The following DMD variants were observed in gnomAD, a reference collection of about 807,000 sequenced individuals.
DMD encodes the protein mutant dystrophin.
In DMD, 63 loss-of-function variants were observed where a neutral mutation model predicts 330.1. That is an observed-to-expected ratio of 0.19 (90% CI 0.16 to 0.24). DMD has a LOEUF of 0.24. Ranked by LOEUF, DMD falls within the 10% of genes least tolerant of loss-of-function variation. The pLI, the probability that DMD is intolerant of heterozygous loss-of-function variation, is 1.00. For missense variants in DMD, 3,344 were observed against 2,684.1 expected (o/e 1.25, Z -5.43); for synonymous variants, 1,223 against 959.8 (o/e 1.27, Z -5.07).
chrX:32,260,742 A>T (rs867662040), intron 43 of DMD, among the ~76,000 whole-genome samples: 1 of 94,221 alleles, frequency 1.1e-5, no homozygotes, highest in Non-Finnish European at 2.4e-5. Flanking sequence ...TTATCCCTCC[A>T]GTAAGTTTCA....
chrX:31,611,138 C>T, intron 55 of DMD, among the ~76,000 whole-genome samples: 1 of 107,033 alleles, frequency 9.3e-6, no homozygotes, highest in East Asian at 2.9e-4. Flanking sequence ...AACATCTGGT[C>T]TAGTGGTTCT....
chrX:32,489,288 T>G (rs1215094947), intron 20 of DMD, among the ~76,000 whole-genome samples: 2 of 108,856 alleles, frequency 1.8e-5, no homozygotes, highest in African/African-American at 6.7e-5. Context: ...TATTTGGTGA[T>G]AGGACTTTTA....
intron 7 of DMD, among the ~76,000 whole-genome samples, chrX:32,776,285 C>G (rs193196594): frequency 4.0e-5 from 4 of 100,855 alleles, no homozygotes; most frequent in Non-Finnish European, 6.4e-5. Flanking sequence ...TCTTCTGACC[C>G]CCCCCCCAAA....
At chrX:31,518,368 T>A (rs1366223032) in intron 55 of DMD, among the ~76,000 whole-genome samples, 2 of 108,621 alleles carry the variant, frequency 1.8e-5, no homozygotes, top group Non-Finnish European at 3.8e-5. Flanking sequence ...CTGATATTGC[T>A]ATACAGCCTC....
At chrX:31,572,426 C>G (rs2075871475) in intron 55 of DMD, among the ~76,000 whole-genome samples, 1 of 112,033 alleles carries the variant, frequency 8.9e-6, no homozygotes, top group South Asian at 3.7e-4. Flanking sequence ...TTAGTGCAGA[C>G]TGGCCTGGCT....
At chrX:32,949,338 GTAGGTAGATAGATAGATAGATAGA>G (rs1289286818) in intron 2 of DMD, among the ~76,000 whole-genome samples, 3 of 80,923 alleles carry the variant, frequency 3.7e-5, no homozygotes, top group Admixed American at 3.1e-4. Context: ...AGGTAGGTAG[GTAGGTAGATAGATAGATAGATAGA>G]TAGATAGATA....
At chrX:33,179,009 C>G (rs927977766) in intron 1 of DMD, among the ~76,000 whole-genome samples, 3 of 111,848 alleles carry the variant, frequency 2.7e-5, no homozygotes, top group African/African-American at 9.8e-5. Context: ...AAATAAGGAG[C>G]ACTGACTATG....
intron 1 of DMD, among the ~76,000 whole-genome samples, chrX:33,292,017 A>G (rs981695639): frequency 1.8e-5 from 2 of 111,645 alleles, no homozygotes; most frequent in Admixed American, 9.6e-5. Context: ...GTATTCCACT[A>G]CTAATACTGC....
chrX:31,960,496 C>T (rs900212411), intron 45 of DMD, among the ~76,000 whole-genome samples: 2 of 111,278 alleles, frequency 1.8e-5, no homozygotes, highest in African/African-American at 6.5e-5. Context: ...TGATTTTGCT[C>T]CTGTCACTTT....
chrX:31,790,801 T>C (rs1228263174), intron 50 of DMD, among the ~76,000 whole-genome samples: 1 of 111,548 alleles, frequency 9.0e-6, no homozygotes, highest in Non-Finnish European at 1.9e-5. Flanking sequence ...TGGTTTACAA[T>C]ATCATGAGCA....
At chrX:32,519,263 T>TA (rs201722710) in intron 17 of DMD, among the ~76,000 whole-genome samples, 1,613 of 69,146 alleles carry the variant, frequency 0.023, 26 homozygotes, top group Middle Eastern at 0.047. Context: ...AAGTGGAATC[T>TA]AAAAAAAAAA....
chrX:31,845,730 A>G (rs1300704115), intron 48 of DMD, among the ~76,000 whole-genome samples: 1 of 110,873 alleles, frequency 9.0e-6, no homozygotes, highest in Non-Finnish European at 1.9e-5. Context: ...AGAATCACCA[A>G]GATTTTATAA....
At chrX:33,285,932 T>C (rs2053425580) in intron 1 of DMD, among the ~76,000 whole-genome samples, 2 of 112,124 alleles carry the variant, frequency 1.8e-5, no homozygotes, top group Non-Finnish European at 3.8e-5. Context: ...TTGTTTGGGT[T>C]TCTGTTTCTT....
intron 63 of DMD, among the ~76,000 whole-genome samples, chrX:31,232,923 C>T (rs922468004): frequency 8.9e-6 from 1 of 112,337 alleles, no homozygotes; most frequent in Admixed American, 9.4e-5. Context: ...TTTCTGTTAA[C>T]TCATTTTAAA....
At chrX:31,687,671 T>A (rs965236423) in intron 52 of DMD, among the ~76,000 whole-genome samples, 1 of 111,961 alleles carries the variant, frequency 8.9e-6, no homozygotes, top group African/African-American at 3.2e-5. Flanking sequence ...ACTGCTAAGG[T>A]TTTTGACTCC....
chrX:33,236,562 G>A (rs1184850644), intron 1 of DMD, among the ~76,000 whole-genome samples: 1 of 111,142 alleles, frequency 9.0e-6, no homozygotes. Flanking sequence ...ACCGCGTCCG[G>A]ACTCTCCTTC....
chrX:32,838,578 ATTCT>A (rs1446308922), intron 4 of DMD, among the ~76,000 whole-genome samples: 10 of 111,896 alleles, frequency 8.9e-5, no homozygotes, highest in Non-Finnish European at 1.7e-4. Flanking sequence ...ACATGAACTC[ATTCT>A]TTTTTTATGG....
intron 1 of DMD, among the ~76,000 whole-genome samples, chrX:33,228,154 T>C (rs1338626505): frequency 9.0e-6 from 1 of 111,260 alleles, no homozygotes; most frequent in Non-Finnish European, 1.9e-5. Flanking sequence ...GCATTTATAT[T>C]TCCTTAAACA....
chrX:32,550,600 C>A (rs965669087), intron 16 of DMD, among the ~76,000 whole-genome samples: 2 of 110,133 alleles, frequency 1.8e-5, no homozygotes, highest in Non-Finnish European at 3.8e-5. Flanking sequence ...GCAAACTAAC[C>A]CCAAAGCTAG....
Sources: allele counts gnomAD v4.1 joint callset (sites outside exome capture counted in the v4.1 genomes callset), GRCh38; gene constraint gnomAD v4.1.1; transcripts MANE v1.5; gene names NCBI Gene and HGNC (gene_info 2026-07-23, HGNC 2026-07-21).